MCFD2: variants seen among roughly 807,000 people sequenced by gnomAD.
MCFD2 encodes multiple coagulation factor deficiency 2, ER cargo receptor complex subunit.
In MCFD2, 11 loss-of-function variants were observed where a neutral mutation model predicts 12.8. The observed-to-expected ratio is 0.86, with a 90% CI of 0.54 to 1.42. The LOEUF is 1.42. MCFD2 is among the 40% of genes most tolerant of loss of function. The probability of loss-of-function intolerance (pLI) is 0.00; values close to 1 mark genes in which losing one functional copy is unlikely to be tolerated. For missense variants in MCFD2, 191 were observed against 178.6 expected (o/e 1.07, Z -0.40); for synonymous variants, 70 against 68.1 (o/e 1.03, Z -0.14).
rs1668330061 is a variant in MCFD2, at chr2:46,908,254, T to G, written c.150-285A>C. The G allele has an allele frequency of 1.5e-5, 7 of 461,248 alleles. No homozygotes were observed. In the East Asian group the frequency reaches 3.1e-4, roughly 20 times the overall value. 28.6% of individuals were successfully genotyped at this position (461,248 alleles called of 1,614,324 possible). On this transcript the variant is annotated intron_variant, in intron 2 of 3. Coordinates refer to ENST00000319466, the MANE Select transcript of MCFD2 (RefSeq NM_139279.6). This position sits in a 1 kb window ranked among gnomAD's most constrained non-coding sequence, Gnocchi z 4.5. ...TTCAGGCCATCAATTTAAAAATATGTCCTTTAAAACTTTTTTTTTTTTTTG... is the reference window on the plus strand; with the variant it reads ...TTCAGGCCATCAATTTAAAAATATGGCCTTTAAAACTTTTTTTTTTTTTTG...
At chr2:46,925,171 G>A (rs1307616438) in intron 1 of MCFD2, among the ~76,000 whole-genome samples, 2 of 152,154 alleles carry the variant, frequency 1.3e-5, no homozygotes, top group African/African-American at 4.8e-5. Flanking sequence ...CCCCAGGCTA[G>A]ATTTGAACTT....
chr2:46,923,295 G>A (rs1011443603), intron 1 of MCFD2, among the ~76,000 whole-genome samples: 5 of 152,218 alleles, frequency 3.3e-5, no homozygotes, highest in Non-Finnish European at 7.3e-5. Context: ...GAGGTTGGAG[G>A]TGGGGCTAAG....
intron 1 of MCFD2, among the ~76,000 whole-genome samples, chr2:46,928,358 C>A (rs929455134): frequency 1.3e-5 from 2 of 151,538 alleles, no homozygotes; most frequent in Non-Finnish European, 2.9e-5. Flanking sequence ...ACTATGTCCT[C>A]CACACAGTAT....
rs1222648474 is a variant in MCFD2, at chr2:46,908,946, C to T, written c.149+77G>A. The T allele has an allele frequency of 6.3e-7, 1 of 1,581,282 alleles. No individual in the cohort carries two copies. The highest frequency in any genetic ancestry group is 8.7e-7 in the Non-Finnish European group (1 of 1,150,402). On this transcript the variant is annotated intron_variant, in intron 2 of 3. Coordinates refer to ENST00000319466, the MANE Select transcript of MCFD2 (RefSeq NM_139279.6). The surrounding 1 kb of genome is among the most constrained non-coding windows in gnomAD (Gnocchi z 4.5). ...AGAAACAGGAAGAAGGAAAGGAGGA[C>T]TGAGCATGCCCTTGCCGCTGGCTCA...
At chr2:46,938,081 G>A (rs1364561769) in intron 1 of MCFD2, among the ~76,000 whole-genome samples, 1 of 152,028 alleles carries the variant, frequency 6.6e-6, no homozygotes, top group Non-Finnish European at 1.5e-5. Context: ...GATTTATTAT[G>A]CAAACAAAAA....
At position 46,903,131 on chromosome 2, in the gene MCFD2, C is replaced by G. The variant is rs1668079025; in HGVS notation, c.*2332G>C. ...GGGGGCCAGTCTTTCCCGTGCTATT[C>G]TCGTGACAGTGAATAAGTCTCATGA... On this transcript the variant is annotated 3_prime_UTR_variant, in exon 4 of 4. Transcript: ENST00000319466. 6.6e-6 allele frequency: 1 copy of G among 152,220 alleles called. No individual in the cohort carries two copies. Among genetic ancestry groups the G allele is most frequent in the Non-Finnish European group, 1.5e-5 (1 of 68,094 alleles). 9.4% of individuals were successfully genotyped at this position (152,220 alleles called of 1,614,324 possible).
Position 46,903,753 on chromosome 2 carries a change from T to C in MCFD2, c.*1710A>G, listed in dbSNP as rs545813060. 3.0e-4 allele frequency: 45 copies of C among 152,274 alleles called. No individual in the cohort carries two copies. Among genetic ancestry groups the C allele is most frequent in the African/African-American group, 1.0e-3 (42 of 41,550 alleles). The allele number at this position is 152,274 out of a possible 1,614,324, so 9.4% of individuals were successfully genotyped here. On this transcript the variant is annotated 3_prime_UTR_variant, in exon 4 of 4. Transcript: ENST00000319466. ...AGCAGCAAAGTGTTCAACAGGTGAC[T>C]TGGGTGCTTTTAAAGGCATTCCCTT...
In MCFD2 at chr2:46,927,889, T is replaced by G. The variant is rs1048728056; in HGVS notation, c.-8+13683A>C. Among the ~76,000 whole-genome samples the G allele has an allele frequency of 9.3e-3, 1,147 of 123,582 alleles. 30 individuals are homozygous for G. Among genetic ancestry groups the G allele is most frequent in the African/African-American group, 0.034 (1,076 of 31,948 alleles). 81.1% of individuals were successfully genotyped at this position (123,582 alleles called of 152,430 possible). ...AATATTGGGGTTTTTTTGGTGTTTT[T>G]TTTTTTTTTTTTTTTTTTTTTTGAG... On this transcript the variant is annotated intron_variant, in intron 1 of 2. Coordinates refer to the MCFD2 transcript ENST00000409147.
intron 1 of MCFD2, among the ~76,000 whole-genome samples, chr2:46,911,714 G>T (rs1319052977): frequency 4.6e-5 from 7 of 151,832 alleles, no homozygotes; most frequent in Non-Finnish European, 8.8e-5. Flanking sequence ...GAGGTCAGGA[G>T]ATCGAGACCA....
At position 46,930,025 on chromosome 2, in the gene MCFD2, T is replaced by C. The variant is rs189473828; in HGVS notation, c.-8+11547A>G. ...AGCTGGGTGGAATAGGTGGCAGGAG[T>C]GAGAAATAAACTAAGTTGGTGAAAG... is the stretch of plus-strand genomic sequence containing the variant. On this transcript the variant is annotated intron_variant, in intron 1 of 2. Transcript: ENST00000409147. Among the ~76,000 whole-genome samples, 300 of 152,142 alleles carry C rather than the reference T, an allele frequency of 2.0e-3. 2 individuals are homozygous for C. The highest frequency in any genetic ancestry group is 6.7e-3 in the African/African-American group (279 of 41,478).
chr2:46,915,878 G>A (rs1668749278), upstream of MCFD2: 1 of 976,724 alleles, frequency 1.0e-6, no homozygotes, highest in Non-Finnish European at 1.2e-6. Context: ...TGGCGCCGCC[G>A]GGCCCCTCCC....
rs1188552697 is a variant in MCFD2, at chr2:46,937,667, G to A, written c.-8+3905C>T. Reference sequence around the variant, plus strand: ...TGTCCAGGCTGGTCTTGAATTCCTGGACTCAAGTGATTCTCCCACCTCCTT... The same window carrying A: ...TGTCCAGGCTGGTCTTGAATTCCTGAACTCAAGTGATTCTCCCACCTCCTT... On this transcript the variant is annotated intron_variant, in intron 1 of 2. Coordinates refer to the MCFD2 transcript ENST00000409147. This position sits in a 1 kb window ranked among gnomAD's most constrained non-coding sequence, Gnocchi z 4.0. 1.3e-5 allele frequency among the ~76,000 whole-genome samples: 2 copies of A among 152,102 alleles called. No homozygotes were observed. The highest frequency in any genetic ancestry group is 4.8e-5 in the African/African-American group (2 of 41,398).
In MCFD2 at chr2:46,905,551, A is replaced by G. The variant is rs199922892; in HGVS notation, c.353T>C (p.Ile118Thr). 31 of 1,613,446 alleles carry G rather than the reference A, an allele frequency of 1.9e-5. No individual in the cohort carries two copies. The highest frequency in any genetic ancestry group is 4.2e-6 in the Non-Finnish European group (5 of 1,179,540). ...TCTCAAAACACCATCTATTATGTTA[A>G]TCAGTTCATCTTCACTCATTAGTGG... The part of the protein sequence containing the change: ...QAPLMSEDEL[I>T]NIIDGVLRDD... Residue 118 changes from isoleucine to threonine, a missense_variant, in exon 4 of 4, where the codon ATT (isoleucine) becomes ACT (threonine). Coordinates refer to ENST00000319466, the MANE Select transcript of MCFD2 (RefSeq NM_139279.6).
chr2:46,917,588 C>G (rs1056947056), upstream of MCFD2, among the ~76,000 whole-genome samples: 3 of 152,250 alleles, frequency 2.0e-5, no homozygotes, highest in African/African-American at 7.2e-5. Context: ...TGTCCTCATT[C>G]TAGCCAGTGC....
chr2:46,913,411 A>G (rs188407867), intron 1 of MCFD2, among the ~76,000 whole-genome samples: 10 of 152,112 alleles, frequency 6.6e-5, no homozygotes, highest in East Asian at 5.8e-4. Context: ...AGAGAGAGGA[A>G]GAAAGGAAAG....
At chr2:46,915,135 G>A (rs1014280395) in intron 1 of MCFD2, among the ~76,000 whole-genome samples, 2 of 152,372 alleles carry the variant, frequency 1.3e-5, no homozygotes, top group Admixed American at 6.5e-5. Flanking sequence ...GTCCAGAGAA[G>A]AAAAGGTGGC....
At chr2:46,929,182 AAAAC>A (rs1026794691) in intron 1 of MCFD2, among the ~76,000 whole-genome samples, 4 of 152,212 alleles carry the variant, frequency 2.6e-5, no homozygotes, top group South Asian at 4.2e-4. Flanking sequence ...AAAACAAAAC[AAAAC>A]AAAAAAACAC....
intron 1 of MCFD2, among the ~76,000 whole-genome samples, chr2:46,939,899 A>G (rs1670192355): frequency 6.6e-6 from 1 of 152,224 alleles, no homozygotes; most frequent in Non-Finnish European, 1.5e-5. Context: ...CTGCCAGAGC[A>G]GCTTCAGCTT....
rs1420248449 is a variant in MCFD2 at position 46,904,404 on chromosome 2, G to T, written c.*1059C>A. The T allele has an allele frequency of 6.5e-6, 1 of 153,292 alleles. No individual in the cohort carries two copies. Among genetic ancestry groups the T allele is most frequent in the African/African-American group, 2.5e-5 (1 of 40,336 alleles). 9.5% of individuals were successfully genotyped at this position (153,292 alleles called of 1,614,324 possible). A position where few individuals can be genotyped will look rare whatever the true frequency, so the allele number is the denominator to read the frequency against. ...GCACCGTGCACCTGGAAAAGCCGCA[G>T]GCACTGAACAACAGCCGTGAAAGCA... On this transcript the variant is annotated 3_prime_UTR_variant, in exon 4 of 4. Coordinates refer to ENST00000319466, the MANE Select transcript of MCFD2 (RefSeq NM_139279.6).
Sources: allele counts gnomAD v4.1 joint callset (sites outside exome capture counted in the v4.1 genomes callset), GRCh38; gene constraint gnomAD v4.1.1; non-coding constraint Gnocchi (gnomAD v3.1); transcripts MANE v1.5; gene names NCBI Gene and HGNC (gene_info 2026-07-23, HGNC 2026-07-21).